The following KHDRBS2 variants were observed in gnomAD, a reference collection of about 807,000 sequenced individuals.
KHDRBS2 encodes KH RNA binding domain containing, signal transduction associated 2.
A neutral mutation model predicts 44.3 loss-of-function variants in KHDRBS2; 26 were observed. The ratio of observed to expected loss-of-function variants is 0.59; its 90% CI spans 0.43 to 0.81. The LOEUF is 0.81. KHDRBS2 is among the 40% of genes least tolerant of loss of function. The pLI is 0.00. For synonymous variants in KHDRBS2, 194 were observed against 151.1 expected (o/e 1.28, Z -2.08); for missense variants, 476 against 433.1 (o/e 1.10, Z -0.88).
intron 1 of KHDRBS2, among the ~76,000 whole-genome samples, chr6:62,201,781 ATAT>A: frequency 6.6e-6 from 1 of 152,200 alleles, no homozygotes; most frequent in African/African-American, 2.4e-5. Context: ...AAAATAGATA[ATAT>A]TCATTTTTAT....
At chr6:62,041,792 T>A (rs1786590841) in intron 3 of KHDRBS2, among the ~76,000 whole-genome samples, 1 of 152,108 alleles carries the variant, frequency 6.6e-6, no homozygotes, top group Non-Finnish European at 1.5e-5. Context: ...TAAGATAATA[T>A]ATAACTTTGA....
At chr6:61,579,366 G>C in the KHDRBS2 span, among the ~76,000 whole-genome samples, 1 of 152,174 alleles carries the variant, frequency 6.6e-6, no homozygotes, top group Admixed American at 6.5e-5. Context: ...TTGAAATAGA[G>C]ATACTGGGGA....
chr6:61,569,941 A>C, the KHDRBS2 span, among the ~76,000 whole-genome samples: 1 of 152,204 alleles, frequency 6.6e-6, no homozygotes, highest in African/African-American at 2.4e-5. Flanking sequence ...CTTGAGTTCC[A>C]GACCTTTCCA....
At chr6:62,050,637 G>A (rs181940687) in intron 2 of KHDRBS2, among the ~76,000 whole-genome samples, 94 of 151,816 alleles carry the variant, frequency 6.2e-4, no homozygotes, top group African/African-American at 2.2e-3. Context: ...TAAAACTAAA[G>A]GAAAACTCAT....
chr6:62,150,637 G>C (rs1814957902), intron 2 of KHDRBS2, among the ~76,000 whole-genome samples: 1 of 152,124 alleles, frequency 6.6e-6, no homozygotes, highest in Non-Finnish European at 1.5e-5. Context: ...AAAAATACTT[G>C]AACCAACTGT....
the KHDRBS2 span, among the ~76,000 whole-genome samples, chr6:61,560,115 A>G: frequency 6.6e-6 from 1 of 152,136 alleles, no homozygotes; most frequent in African/African-American, 2.4e-5. Context: ...CAGCATATTA[A>G]ATATGTCATG....
chr6:62,047,847 T>G (rs767779748), intron 3 of KHDRBS2, 31 bp downstream of exon 3: 6 of 1,387,348 alleles, frequency 4.3e-6, no homozygotes, highest in Middle Eastern at 1.8e-4. Context: ...ACCTCCTGAA[T>G]GTGGTAAATA....
At chr6:61,713,759 A>G (rs948323866) in intron 7 of KHDRBS2, among the ~76,000 whole-genome samples, 14 of 151,674 alleles carry the variant, frequency 9.2e-5, no homozygotes, top group African/African-American at 3.1e-4. Flanking sequence ...CCATCTGATC[A>G]CTGGCAAAAC....
At chr6:62,197,085 G>C (rs564240937) in intron 1 of KHDRBS2, among the ~76,000 whole-genome samples, 1 of 152,210 alleles carries the variant, frequency 6.6e-6, no homozygotes, top group East Asian at 1.9e-4. Context: ...TTCACAGTAA[G>C]TAGAGCAACA....
intron 2 of KHDRBS2, among the ~76,000 whole-genome samples, chr6:62,068,963 G>C (rs1794379790): frequency 6.6e-6 from 1 of 151,480 alleles, no homozygotes; most frequent in Non-Finnish European, 1.5e-5. Flanking sequence ...TTTCATGATT[G>C]TTTTGGCTAT....
In KHDRBS2 at chr6:62,076,631, T is replaced by A. The variant is rs144552844; in HGVS notation, c.220-28637A>T. ...CAGATTAAAGGGTCTTGATGTCATT[T>A]AGCAAATAATAGGGACTTTAAAAGT... is the stretch of plus-strand genomic sequence containing the variant. On this transcript the variant is annotated intron_variant, in intron 2 of 8. Coordinates refer to ENST00000281156, the MANE Select transcript of KHDRBS2 (RefSeq NM_152688.4). Among the ~76,000 whole-genome samples, 659 of 152,188 alleles carry A rather than the reference T, an allele frequency of 4.3e-3. 7 individuals are homozygous for A. The highest frequency in any genetic ancestry group is 0.015 in the African/African-American group (623 of 41,546).
At chr6:61,566,115 T>C in the KHDRBS2 span, among the ~76,000 whole-genome samples, 1 of 152,048 alleles carries the variant, frequency 6.6e-6, no homozygotes, top group Admixed American at 6.6e-5. Context: ...GAAGGATGTT[T>C]CATTGTAAAA....
intron 4 of KHDRBS2, among the ~76,000 whole-genome samples, chr6:61,966,097 C>A (rs1769874072): frequency 6.6e-6 from 1 of 150,672 alleles, no homozygotes; most frequent in Non-Finnish European, 1.5e-5. Flanking sequence ...GGATGCAATA[C>A]ATTCTAACTG....
intron 6 of KHDRBS2, among the ~76,000 whole-genome samples, chr6:61,738,076 T>C (rs898470519): frequency 3.3e-5 from 5 of 151,882 alleles, no homozygotes; most frequent in African/African-American, 1.2e-4. Flanking sequence ...ACTTTTTCCG[T>C]TTTTGCTTCA....
intron 1 of KHDRBS2, among the ~76,000 whole-genome samples, chr6:62,179,868 T>C (rs1313970847): frequency 1.3e-5 from 2 of 151,832 alleles, no homozygotes; most frequent in Non-Finnish European, 2.9e-5. Flanking sequence ...TTTTTGGTAT[T>C]ATTTTGCCCT....
chr6:62,241,756 CA>C (rs951400012), intron 1 of KHDRBS2, among the ~76,000 whole-genome samples: 2 of 148,196 alleles, frequency 1.3e-5, no homozygotes, highest in African/African-American at 5.3e-5. Context: ...AGTTATTGCT[CA>C]AAAAAGTTAG....
At chr6:61,983,364 C>T (rs1774384044) in intron 3 of KHDRBS2, among the ~76,000 whole-genome samples, 1 of 151,254 alleles carries the variant, frequency 6.6e-6, no homozygotes, top group Non-Finnish European at 1.5e-5. Flanking sequence ...GCGTGAGCTA[C>T]CACACATGGC....
chr6:62,009,725 T>G (rs571081710), intron 3 of KHDRBS2, among the ~76,000 whole-genome samples: 1 of 152,302 alleles, frequency 6.6e-6, no homozygotes, highest in African/African-American at 2.4e-5. Context: ...GCTCAGGTCA[T>G]GGCTTCAAAA....
chr6:62,153,407 T>G (rs898738484), intron 2 of KHDRBS2, among the ~76,000 whole-genome samples: 1 of 152,158 alleles, frequency 6.6e-6, no homozygotes, highest in Non-Finnish European at 1.5e-5. Context: ...AAATAGCAAA[T>G]GGACACCTTC....
Sources: allele counts gnomAD v4.1 joint callset (sites outside exome capture counted in the v4.1 genomes callset), GRCh38; gene constraint gnomAD v4.1.1; transcripts MANE v1.5; gene names NCBI Gene and HGNC (gene_info 2026-07-23, HGNC 2026-07-21).